PLCL2: variants seen among roughly 807,000 people sequenced by gnomAD.
The protein encoded by PLCL2 is inactive phospholipase C-like protein 2.
PLCL2 carries 4 observed loss-of-function variants against 79.6 expected under a neutral mutation model. The ratio of observed to expected loss-of-function variants is 0.05; its 90% confidence interval spans 0.02 to 0.11. The LOEUF (loss-of-function observed/expected upper bound fraction) is 0.11, where lower values mean the gene tolerates loss of function less well. Among genes scored for constraint, PLCL2 ranks in the 10% least tolerant of loss-of-function variants. The pLI is 1.00. For synonymous variants in PLCL2, 484 were observed against 457.7 expected, an observed-to-expected ratio of 1.06 and a Z score of -0.73; for missense variants, 895 against 1,291.0, an observed-to-expected ratio of 0.69 and a Z score of 4.70.
At chr3:16,932,345 T>C (rs1378802279) in intron 1 of PLCL2, among the ~76,000 whole-genome samples, 1 of 152,242 alleles carries the variant, frequency 6.6e-6, no homozygotes, top group Non-Finnish European at 1.5e-5. Context: ...GGGAATAACA[T>C]GCATATTATT....
chr3:16,957,571 T>A (rs1270652023), intron 1 of PLCL2, among the ~76,000 whole-genome samples: 1 of 152,180 alleles, frequency 6.6e-6, no homozygotes, highest in Non-Finnish European at 1.5e-5. Flanking sequence ...TGAGTTCAAT[T>A]CCTGGGTATC....
chr3:16,994,834 C>T (rs568012667), intron 1 of PLCL2, among the ~76,000 whole-genome samples: 3 of 152,272 alleles, frequency 2.0e-5, no homozygotes, highest in Admixed American at 6.5e-5. Context: ...ACCACAGCTC[C>T]GTTATTACAT....
intron 1 of PLCL2, among the ~76,000 whole-genome samples, chr3:16,885,774 G>A (rs1427605436): frequency 1.3e-5 from 2 of 152,186 alleles, no homozygotes; most frequent in African/African-American, 4.8e-5. Flanking sequence ...AATCCCAGGC[G>A]GCGAACAGAG....
At chr3:17,027,258 A>G (rs1331123009) in intron 3 of PLCL2, among the ~76,000 whole-genome samples, 6 of 152,216 alleles carry the variant, frequency 3.9e-5, no homozygotes, top group Admixed American at 3.3e-4. Flanking sequence ...ATGTTTCTGT[A>G]TAGTCTGAAA....
chr3:16,906,102 T>C (rs1295068229), intron 1 of PLCL2, among the ~76,000 whole-genome samples: 1 of 152,196 alleles, frequency 6.6e-6, no homozygotes, highest in Non-Finnish European at 1.5e-5. Flanking sequence ...TATGACTGTG[T>C]TGGTCAGATC....
chr3:16,894,105 GT>G (rs1696415074), intron 1 of PLCL2, among the ~76,000 whole-genome samples: 1 of 152,068 alleles, frequency 6.6e-6, no homozygotes, highest in South Asian at 2.1e-4. Context: ...TCTCCATATG[GT>G]TTCCTGCTAC....
chr3:17,073,284 A>G (rs909208644), intron 5 of PLCL2, among the ~76,000 whole-genome samples: 7 of 152,208 alleles, frequency 4.6e-5, no homozygotes, highest in Non-Finnish European at 7.3e-5. Context: ...CCCAGTATAT[A>G]TAAAAGTTAT....
At chr3:17,036,597 C>A (rs375158648) in intron 3 of PLCL2, among the ~76,000 whole-genome samples, 42 of 152,320 alleles carry the variant, frequency 2.8e-4, no homozygotes, top group Admixed American at 1.0e-3. Context: ...CCAAAGCTTA[C>A]AAATTCCCAA....
chr3:16,942,544 C>T (rs2063561361), intron 1 of PLCL2, among the ~76,000 whole-genome samples: 1 of 152,182 alleles, frequency 6.6e-6, no homozygotes, highest in Non-Finnish European at 1.5e-5. Flanking sequence ...CGGGATGCTC[C>T]TTTAAGGGGT....
intron 3 of PLCL2, among the ~76,000 whole-genome samples, chr3:17,038,368 A>C (rs2064680678): frequency 6.6e-6 from 1 of 152,184 alleles, no homozygotes; most frequent in Non-Finnish European, 1.5e-5. Context: ...CAAGACTTAC[A>C]CCTGTGTGTT....
chr3:16,889,016 C>T (rs550688660), intron 1 of PLCL2, among the ~76,000 whole-genome samples: 1 of 152,288 alleles, frequency 6.6e-6, no homozygotes, highest in Non-Finnish European at 1.5e-5. Context: ...TGTGATCTTT[C>T]GCTCCCCTCA....
intron 5 of PLCL2, chr3:17,081,250 C>T (rs953678779): frequency 6.6e-6 from 3 of 456,528 alleles, no homozygotes; most frequent in East Asian, 6.9e-5. Context: ...TATGAGTACC[C>T]TCCTCCTTCT....
intron 1 of PLCL2, among the ~76,000 whole-genome samples, chr3:16,907,427 A>G (rs1156765516): frequency 2.6e-5 from 4 of 152,218 alleles, no homozygotes; most frequent in African/African-American, 9.6e-5. Context: ...CAGTGATACC[A>G]GTGTTGGGTC....
Position 16,983,086 on chromosome 3 carries a change from G to GA in PLCL2, c.328-26582dup, listed in dbSNP as rs1343016447. Among the ~76,000 whole-genome samples, 5 of 152,092 alleles carry GA rather than the reference G, an allele frequency of 3.3e-5. No individual in the cohort carries two copies. In the East Asian group the frequency reaches 5.8e-4, roughly 18 times the overall value. On this transcript the variant is annotated intron_variant, in intron 1 of 5. Transcript: ENST00000615277. ...AGTATATACTAAATAACATTTTGAA[G>GA]AAAAAATCCCACTAGGTCTAATTTC... is the stretch of plus-strand genomic sequence containing the variant.
At chr3:17,007,087 T>C (rs1003855153) in intron 1 of PLCL2, among the ~76,000 whole-genome samples, 3 of 152,238 alleles carry the variant, frequency 2.0e-5, no homozygotes, top group Non-Finnish European at 2.9e-5. Context: ...TGAGACACGA[T>C]ATATAAAGAT....
chr3:16,965,396 C>G (rs1463333328), intron 1 of PLCL2, among the ~76,000 whole-genome samples: 1 of 152,094 alleles, frequency 6.6e-6, no homozygotes, highest in East Asian at 1.9e-4. Flanking sequence ...GTTTTGGTAC[C>G]AGTACCATGC....
intron 1 of PLCL2, among the ~76,000 whole-genome samples, chr3:17,000,627 T>C (rs2064199322): frequency 6.6e-6 from 1 of 152,074 alleles, no homozygotes; most frequent in African/African-American, 2.4e-5. Flanking sequence ...ACCATTCTAC[T>C]CTCTACCTCC....
At chr3:17,043,564 A>T (rs2124921395) in intron 4 of PLCL2, among the ~76,000 whole-genome samples, 1 of 152,220 alleles carries the variant, frequency 6.6e-6, no homozygotes, top group East Asian at 1.9e-4. Context: ...GAGTTCTTTT[A>T]ATTTTCTGAT....
intron 1 of PLCL2, among the ~76,000 whole-genome samples, chr3:16,952,138 A>T (rs889912737): frequency 6.6e-6 from 1 of 151,820 alleles, no homozygotes; most frequent in African/African-American, 2.4e-5. Context: ...ATGAGAACAC[A>T]TGGACACAGG....
Sources: allele counts gnomAD v4.1 joint callset (sites outside exome capture counted in the v4.1 genomes callset), GRCh38; gene constraint gnomAD v4.1.1; transcripts MANE v1.5; gene names NCBI Gene and HGNC (gene_info 2026-07-23, HGNC 2026-07-21).